The following SREBF1 variants were observed in gnomAD, a reference collection of about 807,000 sequenced individuals.
The protein encoded by SREBF1 is sterol regulatory element-binding protein 1.
In SREBF1, 45 loss-of-function variants were observed where a neutral mutation model predicts 100.1. The ratio of observed to expected loss-of-function variants is 0.45; its 90% CI spans 0.35 to 0.58. SREBF1 has a LOEUF of 0.58. SREBF1 is among the 20% of genes least tolerant of loss of function. The pLI is 0.00. For missense variants in SREBF1, 1,324 were observed against 1,539.4 expected (o/e 0.86, Z 2.34); for synonymous variants, 657 against 681.8 (o/e 0.96, Z 0.57).
intron 1 of SREBF1, among the ~76,000 whole-genome samples, chr17:17,832,783 G>A (rs887791584): frequency 7.9e-5 from 12 of 152,164 alleles, no homozygotes; most frequent in Non-Finnish European, 1.5e-4. Flanking sequence ...AGCCAGGCAT[G>A]GTGGCACGCA....
chr17:17,816,785 C>T, intron 9 of SREBF1, 67 bp from the exon 10 acceptor site: 1 of 1,568,344 alleles, frequency 6.4e-7, no homozygotes, highest in Non-Finnish European at 8.6e-7. Flanking sequence ...CTCAGAAGAG[C>T]CGTCCACAGC....
intron 1 of SREBF1, among the ~76,000 whole-genome samples, chr17:17,821,896 G>A (rs919302098): frequency 2.6e-5 from 4 of 152,228 alleles, no homozygotes; most frequent in Admixed American, 6.5e-5. Flanking sequence ...CATTGATGGG[G>A]CCAGGCTAGA....
At chr17:17,822,737 A>C (rs1411074942) in intron 1 of SREBF1, among the ~76,000 whole-genome samples, 2 of 152,206 alleles carry the variant, frequency 1.3e-5, no homozygotes, top group Non-Finnish European at 1.5e-5. Flanking sequence ...CAGTTTCCTC[A>C]TCTGTACAAC....
chr17:17,820,071 C>A lies in SREBF1; in HGVS notation c.523+19G>T. 2 of 1,603,582 alleles carry A rather than the reference C, an allele frequency of 1.2e-6. No homozygotes were observed. On this transcript the variant is annotated intron_variant, in intron 2 of 18. Transcript: ENST00000261646. ...AAGCCCCACCCCGGGTGTCCCCTCCCGCCACACATCCCCCTTACCTGTAGA... is the reference window on the plus strand; with the variant it reads ...AAGCCCCACCCCGGGTGTCCCCTCCAGCCACACATCCCCCTTACCTGTAGA...
chr17:17,813,249 C>T (rs891702404), intron 18 of SREBF1, 119 bp downstream of exon 18: 1 of 1,104,892 alleles, frequency 9.1e-7, no homozygotes, highest in Non-Finnish European at 1.3e-6. Context: ...GTGTGAGCCA[C>T]TGCGCCAGGC....
At chr17:17,818,870 G>A (rs955551016) in intron 5 of SREBF1, 143 bp downstream of exon 5, 11 of 945,110 alleles carry the variant, frequency 1.2e-5, no homozygotes, top group East Asian at 2.5e-5. Flanking sequence ...CTAAATAAAC[G>A]AGGCTGGCCA....
At chr17:17,829,144 G>C (rs1316132903) in intron 1 of SREBF1, among the ~76,000 whole-genome samples, 1 of 145,308 alleles carries the variant, frequency 6.9e-6, no homozygotes, top group East Asian at 2.0e-4. Flanking sequence ...AGTGAGCCGA[G>C]ATTGTACCAC....
Position 17,816,188 on chromosome 17 carries a change from A to AACCCCCCCACTCCC in SREBF1, c.2214+18_2214+19insGGGAGTGGGGGGGT. On this transcript the variant is annotated intron_variant, in intron 11 of 18. Transcript: ENST00000261646. ...GAGAGAGCTGCAGGGATAAGCCCCCAGCCCCCCAACCCACTCACTGTCAGA... is the reference window on the plus strand; with the variant it reads ...GAGAGAGCTGCAGGGATAAGCCCCCAACCCCCCCACTCCCGCCCCCCAACCCACTCACTGTCAGA... 1.3e-6 allele frequency: 1 copy of AACCCCCCCACTCCC among 789,262 alleles called. No homozygotes were observed. The highest frequency in any genetic ancestry group is 3.3e-5 in the Admixed American group (1 of 30,040). The allele number at this position is 789,262 out of a possible 1,614,324, so 48.9% of individuals were successfully genotyped here. A position where few individuals can be genotyped will look rare whatever the true frequency, so the allele number is the denominator to read the frequency against.
At chr17:17,819,746 GC>G (rs754919921) in intron 2 of SREBF1, 21 bp from the exon 3 acceptor site, 1 of 1,578,686 alleles carries the variant, frequency 6.3e-7, no homozygotes, top group Non-Finnish European at 8.6e-7. Context: ...AAAGCATGGG[GC>G]TGCAGACACA....
chr17:17,836,692 C>T (rs748821066), intron 1 of SREBF1, 35 bp downstream of exon 1: 10 of 1,537,296 alleles, frequency 6.5e-6, no homozygotes, highest in East Asian at 4.8e-5. Flanking sequence ...TCGCGCCACC[C>T]GGCGCAGCTT....
chr17:17,822,020 G>T (rs1473755360), intron 1 of SREBF1, among the ~76,000 whole-genome samples: 1 of 152,204 alleles, frequency 6.6e-6, no homozygotes, highest in Non-Finnish European at 1.5e-5. Context: ...TATAGAGTCA[G>T]AGACTCAACT....
At chr17:17,834,875 G>A (rs796985487) in intron 1 of SREBF1, among the ~76,000 whole-genome samples, 7 of 152,314 alleles carry the variant, frequency 4.6e-5, no homozygotes, top group Non-Finnish European at 7.3e-5. Context: ...TTAGCCAGGC[G>A]TGGTGGCTGG....
intron 9 of SREBF1, 65 bp from the exon 10 acceptor site, chr17:17,816,783 A>T (rs923749669): frequency 3.2e-6 from 5 of 1,567,784 alleles, no homozygotes; most frequent in Admixed American, 3.8e-5. Flanking sequence ...AGCTCAGAAG[A>T]GCCGTCCACA....
intron 9 of SREBF1, 83 bp from the exon 10 acceptor site, chr17:17,816,801 C>G: frequency 6.4e-7 from 1 of 1,573,456 alleles, no homozygotes; most frequent in South Asian, 1.1e-5. Context: ...ACAGCAGGCT[C>G]TGGAGGGGTG....
At chr17:17,816,396 G>A (rs775694011) in intron 10 of SREBF1, 23 bp from the exon 11 acceptor site, 5 of 1,595,966 alleles carry the variant, frequency 3.1e-6, no homozygotes, top group Non-Finnish European at 4.3e-6. Flanking sequence ...CAGGCATGAG[G>A]CTGTGGGTGG....
rs531973046 is a variant in SREBF1, at chr17:17,815,468, C to A, written c.2384-139G>T. On this transcript the variant is annotated intron_variant, in intron 12 of 18. Transcript: ENST00000261646. ...GGCATGCCCCTGGGTGCAGCCCCTG[C>A]CAAGGACAGGGGAAAGCGGGTGGAC... 4.3e-6 allele frequency: 3 copies of A among 690,656 alleles called. No individual in the cohort carries two copies. The South Asian group carries it at 5.2e-5, about 12-fold the overall frequency. 42.8% of individuals were successfully genotyped at this position (690,656 alleles called of 1,614,324 possible).
intron 9 of SREBF1, 22 bp downstream of exon 9, chr17:17,816,936 T>A: frequency 6.2e-7 from 1 of 1,612,566 alleles, no homozygotes; most frequent in Non-Finnish European, 8.5e-7. Flanking sequence ...CCCTGCCCAC[T>A]CTGCCGGGGC....
chr17:17,835,873 A>C (rs1598145604), intron 1 of SREBF1, among the ~76,000 whole-genome samples: 1 of 151,238 alleles, frequency 6.6e-6, no homozygotes, highest in African/African-American at 2.4e-5. Context: ...CCCTGACCTC[A>C]CTCCTTTGCA....
At position 17,814,817 on chromosome 17, in the gene SREBF1, CAG is replaced by C. The variant is rs778212443; in HGVS notation, c.2602+16_2602+17del. The C allele has an allele frequency of 3.7e-6, 6 of 1,604,070 alleles. No individual in the cohort carries two copies. The highest frequency in any genetic ancestry group is 5.1e-6 in the Non-Finnish European group (6 of 1,175,802). ...GGGGGAGCTGAGAAGGGAGCCAGGA[CAG>C]GGGCCGGGGACTCACCGGTGGTGGT... On this transcript the variant is annotated intron_variant, in intron 14 of 18. Coordinates refer to ENST00000261646, the MANE Select transcript of SREBF1 (RefSeq NM_004176.5).
Sources: gnomAD v4.1 joint callset for allele counts (sites outside exome capture counted in the v4.1 genomes callset) on GRCh38, gnomAD v4.1.1 for gene constraint, MANE v1.5 for transcripts, NCBI Gene and HGNC (gene_info 2026-07-23, HGNC 2026-07-21) for gene names.